LIG1: variants seen among roughly 807,000 people sequenced by gnomAD.
LIG1 encodes DNA ligase 1.
Under a neutral mutation model 115.7 loss-of-function variants are expected in LIG1, and 70 were observed. The ratio of observed to expected loss-of-function variants is 0.60; its 90% CI spans 0.50 to 0.74. LIG1 has a LOEUF of 0.74. Among genes scored for constraint, LIG1 ranks in the 30% least tolerant of loss-of-function variants. The pLI is 0.00. For missense variants in LIG1, 1,115 were observed against 1,225.6 expected (o/e 0.91, Z 1.35); for synonymous variants, 487 against 495.3 (o/e 0.98, Z 0.22).
Position 48,122,796 on chromosome 19 carries a change from C to T in LIG1, c.2232+138G>A. On this transcript the variant is annotated intron_variant, in intron 23 of 27. Transcript: ENST00000263274. This position sits in a 1 kb window ranked among gnomAD's most constrained non-coding sequence, Gnocchi z 4.3. ...GGAGAAGGTCTGAACTCAGTTGCAGCAGGGGGCTGGGGTGGGATTGTGAAA... is the reference window on the plus strand; with the variant it reads ...GGAGAAGGTCTGAACTCAGTTGCAGTAGGGGGCTGGGGTGGGATTGTGAAA... 1.2e-6 allele frequency: 1 copy of T among 828,420 alleles called. No homozygotes were observed. 51.3% of individuals were successfully genotyped at this position (828,420 alleles called of 1,614,324 possible). A position where few individuals can be genotyped will look rare whatever the true frequency, so the allele number is the denominator to read the frequency against.
In LIG1 at chr19:48,133,285, G is replaced by A. The variant is rs2034163864; in HGVS notation, c.1610-188C>T. The A allele has an allele frequency of 3.0e-5, 18 of 602,152 alleles. No individual in the cohort carries two copies. In the South Asian group the frequency reaches 3.1e-4, roughly 10 times the overall value. 37.3% of individuals were successfully genotyped at this position (602,152 alleles called of 1,614,324 possible). A position where few individuals can be genotyped will look rare whatever the true frequency, so the allele number is the denominator to read the frequency against. On this transcript the variant is annotated intron_variant, in intron 17 of 27. Coordinates refer to ENST00000263274, the MANE Select transcript of LIG1 (RefSeq NM_000234.3). ...ACTACAGCCCCCGGCCTTCCTTCCA[G>A]GTGGGAAAGGCCATGTGATTGGAAC...
At chr19:48,168,638 T>C (rs1359670236) in intron 1 of LIG1, among the ~76,000 whole-genome samples, 1 of 152,166 alleles carries the variant, frequency 6.6e-6, no homozygotes, top group Non-Finnish European at 1.5e-5. Flanking sequence ...ACTGGTGGAA[T>C]GTCTACCCTT....
rs71181649 is a variant in LIG1 at position 48,132,790 on chromosome 19, CAAAAAAAAA to C, written c.1725+183_1725+191del. On this transcript the variant is annotated intron_variant, in intron 18 of 27. Coordinates refer to ENST00000263274, the MANE Select transcript of LIG1 (RefSeq NM_000234.3). ...TGGATGACAGAGTGAGACTCTGTCT[CAAAAAAAAA>C]AAAAAAAAAAAAAAAAAAGAACACA... Among the ~76,000 whole-genome samples, 40 of 48,264 alleles carry C rather than the reference CAAAAAAAAA, an allele frequency of 8.3e-4. No individual in the cohort carries two copies. In the East Asian group the frequency reaches 0.018, roughly 21 times the overall value. 31.7% of individuals were successfully genotyped at this position (48,264 alleles called of 152,430 possible). A position where few individuals can be genotyped will look rare whatever the true frequency, so the allele number is the denominator to read the frequency against.
intron 2 of LIG1, among the ~76,000 whole-genome samples, chr19:48,165,025 C>A (rs192535355): frequency 3.7e-4 from 57 of 152,322 alleles, no homozygotes; most frequent in African/African-American, 1.2e-3. Context: ...CTCTGGGAGG[C>A]CGAGGTGGGC....
chr19:48,167,413 C>G (rs912801773), intron 1 of LIG1, among the ~76,000 whole-genome samples: 1 of 151,994 alleles, frequency 6.6e-6, no homozygotes, highest in Non-Finnish European at 1.5e-5. Flanking sequence ...CATGGGGTCC[C>G]CTTTCGTTTT....
At position 48,139,970 on chromosome 19, in the gene LIG1, C is replaced by T. The variant is rs771718849; in HGVS notation, c.1087+1G>A. ...GTCCCTCCAACCACAGTCCCCCTTA[C>T]CTGTGGCCTGGGCCACTGCCTTGAG... On this transcript the variant is annotated splice_donor_variant, in intron 12 of 27. Coordinates refer to ENST00000263274, the MANE Select transcript of LIG1 (RefSeq NM_000234.3). LOFTEE classifies it high-confidence loss of function. The T allele has an allele frequency of 6.2e-7, 1 of 1,614,162 alleles. No homozygotes were observed. Among genetic ancestry groups the T allele is most frequent in the Non-Finnish European group, 8.5e-7 (1 of 1,180,020 alleles).
chr19:48,129,957 T>C (rs1727843985), intron 19 of LIG1, among the ~76,000 whole-genome samples: 1 of 152,122 alleles, frequency 6.6e-6, no homozygotes, highest in African/African-American at 2.4e-5. Context: ...GATTTCACCA[T>C]GTCAGCCAGG....
In LIG1 at chr19:48,123,028, A is replaced by G. The variant is rs1163947727; in HGVS notation, c.2150-12T>C. 3.7e-6 allele frequency: 6 copies of G among 1,613,794 alleles called. No homozygotes were observed. Among genetic ancestry groups the G allele is most frequent in the South Asian group, 2.2e-5 (2 of 91,062 alleles). On this transcript the variant is annotated splice_polypyrimidine_tract_variant and intron_variant, in intron 22 of 27. Transcript: ENST00000263274. ...CCCCTCGCAGGAGTCTGAGGGAGAC[A>G]CAGAAGCGTGGTCCTTGGGAAGCCC...
At chr19:48,157,216 G>C in intron 4 of LIG1, 76 bp from the exon 5 acceptor site, 106 of 1,425,046 alleles carry the variant, frequency 7.4e-5, no homozygotes, top group Middle Eastern at 2.2e-4. Flanking sequence ...AGAGTAGAGG[G>C]GACTGAAACC....
chr19:48,163,849 G>C (rs2036326155), intron 2 of LIG1, among the ~76,000 whole-genome samples: 1 of 151,728 alleles, frequency 6.6e-6, no homozygotes, highest in Admixed American at 6.6e-5. Flanking sequence ...GGAGGCTGAG[G>C]CAGGGGAATG....
rs1754554119 is a variant in LIG1, at chr19:48,127,179, G to C, written c.2004+98C>G. On this transcript the variant is annotated intron_variant, in intron 21 of 27. Transcript: ENST00000263274. ...AAGTGTGGCTTCCTGGCCATGTGAA[G>C]TGGCAGAGTCGGAAATGGAAGTCAG... 3.1e-6 allele frequency: 3 copies of C among 971,826 alleles called. No individual in the cohort carries two copies. The Admixed American group carries it at 5.1e-5, about 17-fold the overall frequency. The allele number at this position is 971,826 out of a possible 1,614,324, so 60.2% of individuals were successfully genotyped here.
intron 14 of LIG1, 92 bp downstream of exon 14, chr19:48,136,916 G>A: frequency 5.9e-6 from 6 of 1,015,988 alleles, no homozygotes; most frequent in Non-Finnish European, 9.1e-6. Context: ...GATGGTCAGG[G>A]CATTTGTGAT....
In LIG1 at chr19:48,149,784, C is replaced by T; in HGVS notation, c.755G>A (p.Gly252Glu). The T allele has an allele frequency of 6.2e-7, 1 of 1,614,110 alleles. No individual in the cohort carries two copies. Among genetic ancestry groups the T allele is most frequent in the Non-Finnish European group, 8.5e-7 (1 of 1,179,942 alleles). Reference protein sequence around the residue: ...EVKEEEPGAPGKEGAAEGPLD... With the variant: ...EVKEEEPGAPEKEGAAEGPLD... ...TCACCCCTCAGCAGCTCCCTCCTTT[C>T]CTGGAGCCCCTGGCTCCTCTTCCTT... is the stretch of plus-strand genomic sequence containing the variant. The change falls in exon 9 of 28, where the codon GGA becomes GAA. Residue 252 changes from glycine (G) to glutamate (E), a missense_variant. By Grantham distance (98) the Gly-to-Glu change is moderately conservative. Coordinates refer to ENST00000263274, the MANE Select transcript of LIG1 (RefSeq NM_000234.3).
At chr19:48,149,689 G>T in intron 9 of LIG1, 74 bp downstream of exon 9, 2 of 1,166,508 alleles carry the variant, frequency 1.7e-6, no homozygotes, top group African/African-American at 1.5e-5. Flanking sequence ...AGCCTGAGCT[G>T]GGGGTGGGGC....
rs1421648697 is a variant in LIG1, at chr19:48,153,867, C to G, written c.466+5G>C. On this transcript the variant is annotated splice_donor_5th_base_variant and intron_variant, in intron 6 of 27. Coordinates refer to ENST00000263274, the MANE Select transcript of LIG1 (RefSeq NM_000234.3). ...ACACACACTTCTCTCCTTCTGGGGG[C>G]TCACCTTCCTCCTCCTTCTTCCTCT... 6.4e-7 allele frequency: 1 copy of G among 1,559,802 alleles called. No individual in the cohort carries two copies. The highest frequency in any genetic ancestry group is 8.7e-7 in the Non-Finnish European group (1 of 1,150,596).
Position 48,117,764 on chromosome 19 carries a change from G to A in LIG1, c.2457C>T (p.Ser819=). ...CATCTATCCGCACGTAAGGGCGTGG[G>A]CTGGGCAGCACCAGCGCCTGCAGTG... ...HQSLKALVLP[S]PRPYVRIDGA... The change falls in exon 26 of 28, where the codon AGC becomes AGT. Residue 819 remains serine, a synonymous_variant. Transcript: ENST00000263274. 2 of 1,612,776 alleles carry A rather than the reference G, an allele frequency of 1.2e-6. No individual in the cohort carries two copies. Among genetic ancestry groups the A allele is most frequent in the Non-Finnish European group, 1.7e-6 (2 of 1,179,562 alleles).
chr19:48,131,182 G>A lies in LIG1; in HGVS notation c.1726-11C>T, dbSNP rs2122532880. On this transcript the variant is annotated splice_polypyrimidine_tract_variant and intron_variant, in intron 18 of 27. Transcript: ENST00000263274. ...TTCCAGGGCGTGGATCTGTCACGAT[G>A]GGAGAAGGGAGGGGAAATCAGCTGA... is the stretch of plus-strand genomic sequence containing the variant. 6.2e-7 allele frequency: 1 copy of A among 1,608,114 alleles called. No individual in the cohort carries two copies. The highest frequency in any genetic ancestry group is 8.5e-7 in the Non-Finnish European group (1 of 1,174,704).
At chr19:48,142,451 A>AAAAAAAAAAAAAAAAAAAAAC (rs1353351417) in intron 11 of LIG1, among the ~76,000 whole-genome samples, 1 of 150,326 alleles carries the variant, frequency 6.7e-6, no homozygotes, top group African/African-American at 2.4e-5. Flanking sequence ...TCAAAAAAAA[A>AAAAAAAAAAAAAAAAAAAAAC]AAAAAACAGA....
intron 1 of LIG1, chr19:48,165,903 G>GT (rs56219597): frequency 7.2e-6 from 3 of 413,802 alleles, no homozygotes; most frequent in Admixed American, 3.9e-5. Flanking sequence ...CCTGAAATGG[G>GT]TTTTTTTGGA....
Sources: allele counts gnomAD v4.1 joint callset (sites outside exome capture counted in the v4.1 genomes callset), GRCh38; gene constraint gnomAD v4.1.1; non-coding constraint Gnocchi (gnomAD v3.1); transcripts MANE v1.5; gene names NCBI Gene and HGNC (gene_info 2026-07-23, HGNC 2026-07-21).